Variants in NOP14 observed in about 807,000 individuals in gnomAD.
The protein encoded by NOP14 is nucleolar protein 14.
NOP14 carries 57 observed loss-of-function variants against 101.6 expected under a neutral mutation model. That is an observed-to-expected ratio of 0.56 (90% CI 0.45 to 0.70). NOP14 has a LOEUF of 0.70. Ranked by LOEUF, NOP14 falls within the 30% of genes least tolerant of loss-of-function variation. The pLI is 0.00. For missense variants in NOP14, 1,134 were observed against 1,075.5 expected, an observed-to-expected ratio of 1.05 and a Z score of -0.76; for synonymous variants, 428 against 424.0, an observed-to-expected ratio of 1.01 and a Z score of -0.12.
At chr4:2,961,177 T>G (rs1419440159) in intron 1 of NOP14, among the ~76,000 whole-genome samples, 1 of 19,294 alleles carries the variant, frequency 5.2e-5, no homozygotes, top group Non-Finnish European at 9.5e-5. Flanking sequence ...GCTATTACAA[T>G]AATATATTAA....
chr4:2,949,255 G>C (rs189289938), intron 8 of NOP14, among the ~76,000 whole-genome samples: 1 of 152,198 alleles, frequency 6.6e-6, no homozygotes, highest in Non-Finnish European at 1.5e-5. Context: ...CCAGGCTAGA[G>C]TGCAGTGGTG....
At chr4:2,960,703 A>G (rs1234287129) in intron 1 of NOP14, among the ~76,000 whole-genome samples, 1 of 135,888 alleles carries the variant, frequency 7.4e-6, no homozygotes, top group Non-Finnish European at 1.5e-5. Flanking sequence ...TCACATTAAT[A>G]TTAATATATT....
rs1312050014 is a variant in NOP14 at position 2,944,212 on chromosome 4, G to A, written c.1752C>T (p.Ser584=). 6.2e-7 allele frequency: 1 copy of A among 1,613,062 alleles called. No homozygotes were observed. The highest frequency in any genetic ancestry group is 1.3e-5 in the African/African-American group (1 of 74,874). The stretch of plus-strand genomic sequence containing the variant: ...ACAGGCCCTTCACCACGTCCTGGAG[G>A]GACAGGATGGGGCACTGGAAAGGAA... ...SQLLTKCPIL[S]LQDVVKGLFV... is the part of the protein sequence containing the mutation. Residue 584 remains serine (S), a synonymous_variant, in exon 13 of 18, where the codon TCC becomes TCT. Coordinates refer to ENST00000416614, the MANE Select transcript of NOP14 (RefSeq NM_001291978.2).
At chr4:2,941,408 T>C in intron 15 of NOP14, 174 bp downstream of exon 15, 2 of 634,870 alleles carry the variant, frequency 3.2e-6, no homozygotes, top group Non-Finnish European at 5.5e-6. Flanking sequence ...AGCCCAGCAC[T>C]GCTCACCGTC....
Position 2,963,224 on chromosome 4 carries a change from G to T in NOP14, c.96C>A (p.Phe32Leu). 6.3e-7 allele frequency: 1 copy of T among 1,588,602 alleles called. No individual in the cohort carries two copies. Among genetic ancestry groups the T allele is most frequent in the Non-Finnish European group, 8.5e-7 (1 of 1,170,158 alleles). The change falls in exon 1 of 18, where the codon TTC (phenylalanine) becomes TTA (leucine). Residue 32 changes from phenylalanine to leucine, a missense_variant. Phe to Leu is a conservative substitution (Grantham distance 22, BLOSUM62 0). Coordinates refer to ENST00000416614, the MANE Select transcript of NOP14 (RefSeq NM_001291978.2). ...ACTTCTGCCTGTTAACTTTCACCTCGAACGGATTGGAGTTGGCCTTCGCCG... is the reference window on the plus strand; with the variant it reads ...ACTTCTGCCTGTTAACTTTCACCTCTAACGGATTGGAGTTGGCCTTCGCCG... ...GGPAKANSNP[F>L]EVKVNRQKFQ... is the part of the protein sequence containing the mutation.
At chr4:2,959,169 G>C (rs1035008414) in intron 1 of NOP14, among the ~76,000 whole-genome samples, 1 of 152,292 alleles carries the variant, frequency 6.6e-6, no homozygotes, top group Non-Finnish European at 1.5e-5. Flanking sequence ...ATACTGCCAA[G>C]GCAATTTTCG....
At position 2,938,782 on chromosome 4, in the gene NOP14, G is replaced by A. The variant is rs1442948497; in HGVS notation, c.*49C>T. 13 of 1,476,530 alleles carry A rather than the reference G, an allele frequency of 8.8e-6. No homozygotes were observed. In the East Asian group the frequency reaches 2.3e-4, roughly 26 times the overall value. 91.5% of individuals were successfully genotyped at this position (1,476,530 alleles called of 1,614,324 possible). A position where few individuals can be genotyped will look rare whatever the true frequency, so the allele number is the denominator to read the frequency against. The stretch of plus-strand genomic sequence containing the variant: ...CTTGGCCTCCCAGAGGGTTGGAATT[G>A]CAGATGTGAGGTAATGTCCAGTTCC... On this transcript the variant is annotated 3_prime_UTR_variant, in exon 18 of 18. Transcript: ENST00000416614.
chr4:2,956,643 G>A (rs750438134), intron 3 of NOP14, 27 bp downstream of exon 3: 3 of 1,595,480 alleles, frequency 1.9e-6, no homozygotes, highest in Non-Finnish European at 2.6e-6. Context: ...CACGCCCACA[G>A]GCCCGTGCAC....
At chr4:2,952,236 C>T in intron 6 of NOP14, 39 bp downstream of exon 6, 8 of 1,605,878 alleles carry the variant, frequency 5.0e-6, no homozygotes, top group Non-Finnish European at 6.8e-6. Context: ...TGTGGACGGA[C>T]AGCAGCACAG....
At position 2,938,867 on chromosome 4, in the gene NOP14, T is replaced by C. The variant is rs1560291525; in HGVS notation, c.2538A>G (p.Glu846=). Residue 846 remains glutamate (E), a synonymous_variant, in exon 18 of 18, where the codon GAA becomes GAG. Transcript: ENST00000416614. ...LFNSLATQEG[E]WKALKRKKFK... ...ACTTTTTCCTCTTCAGAGCCTTCCA[T>C]TCGCCTTCCTGTGTAGCCAGGCTGT... The C allele has an allele frequency of 6.2e-6, 10 of 1,614,154 alleles. No homozygotes were observed. Among genetic ancestry groups the C allele is most frequent in the Non-Finnish European group, 7.6e-6 (9 of 1,179,992 alleles).
Position 2,944,979 on chromosome 4 carries a change from T to G in NOP14, c.1737+149A>C, listed in dbSNP as rs1359156051. 8 of 584,058 alleles carry G rather than the reference T, an allele frequency of 1.4e-5. No homozygotes were observed. The East Asian group carries it at 2.4e-4, about 17-fold the overall frequency. The allele number at this position is 584,058 out of a possible 1,614,324, so 36.2% of individuals were successfully genotyped here. A position where few individuals can be genotyped will look rare whatever the true frequency, so the allele number is the denominator to read the frequency against. On this transcript the variant is annotated intron_variant, in intron 12 of 17. Coordinates refer to ENST00000416614, the MANE Select transcript of NOP14 (RefSeq NM_001291978.2). The stretch of plus-strand genomic sequence containing the variant: ...GGGGCTGCTCGAGCCGGGGCTCTTT[T>G]AGATGGGCCCTCTTTGGCCTAACCG...
rs904201892 is a variant in NOP14, at chr4:2,944,217, G to T, written c.1747C>A (p.Leu583Met). 1.9e-6 allele frequency: 3 copies of T among 1,612,204 alleles called. No individual in the cohort carries two copies. The Admixed American group carries it at 5.0e-5, about 27-fold the overall frequency. The change falls in exon 13 of 18, where the codon CTG (leucine) becomes ATG (methionine). Residue 583 changes from leucine (L) to methionine (M), a missense_variant. Physicochemically the swap from Leu to Met is conservative, Grantham distance 15. Transcript: ENST00000416614. The stretch of plus-strand genomic sequence containing the variant: ...CCCTTCACCACGTCCTGGAGGGACA[G>T]GATGGGGCACTGGAAAGGAACATAT... ...LSQLLTKCPI[L>M]SLQDVVKGLF...
chr4:2,945,347 G>A (rs565943208), intron 11 of NOP14, 118 bp from the exon 12 acceptor site: 4 of 751,486 alleles, frequency 5.3e-6, no homozygotes, highest in South Asian at 4.9e-5. Context: ...GCATCTCCTT[G>A]GCCCAGAGCT....
chr4:2,962,298 G>A (rs113896916), intron 1 of NOP14, among the ~76,000 whole-genome samples: 3 of 152,216 alleles, frequency 2.0e-5, no homozygotes, highest in South Asian at 2.1e-4. Flanking sequence ...CCGGGGGTGT[G>A]TAATGAGGGA....
chr4:2,940,103 A>G (rs1714041412), intron 15 of NOP14, among the ~76,000 whole-genome samples: 1 of 152,218 alleles, frequency 6.6e-6, no homozygotes, highest in African/African-American at 2.4e-5. Flanking sequence ...CCAGTGTGCA[A>G]ACTGACGCTG....
chr4:2,957,806 A>C (rs978142094), intron 1 of NOP14, 66 bp from the exon 2 acceptor site: 1 of 1,547,972 alleles, frequency 6.5e-7, no homozygotes, highest in Non-Finnish European at 8.8e-7. Flanking sequence ...GGGACATCAG[A>C]ACAGTGCATA....
chr4:2,960,812 TATA>T lies in NOP14; in HGVS notation c.195+2310_195+2312del, dbSNP rs1440975934. On this transcript the variant is annotated intron_variant, in intron 1 of 17. Transcript: ENST00000416614. ...CACATTAATATTAATATATTAATATTATAATCACATTATCAATATATTAATATT... is the reference window on the plus strand; with the variant it reads ...CACATTAATATTAATATATTAATATTATCACATTATCAATATATTAATATT... Among the ~76,000 whole-genome samples, 44 of 103,522 alleles carry T rather than the reference TATA, an allele frequency of 4.3e-4. 5 individuals are homozygous for T. The highest frequency in any genetic ancestry group is 7.3e-4 in the Non-Finnish European group (38 of 51,790). 67.9% of individuals were successfully genotyped at this position (103,522 alleles called of 152,430 possible).
intron 15 of NOP14, 55 bp from the exon 16 acceptor site, chr4:2,939,700 G>C: frequency 7.5e-7 from 1 of 1,324,622 alleles, no homozygotes; most frequent in Non-Finnish European, 1.1e-6. Context: ...CGTGCCCTGA[G>C]CTCCACGCAC....
At chr4:2,954,609 C>T (rs748131554) in intron 3 of NOP14, 46 bp from the exon 4 acceptor site, 19 of 1,599,600 alleles carry the variant, frequency 1.2e-5, no homozygotes, top group Admixed American at 1.7e-5. Flanking sequence ...CCAGCCCTGG[C>T]GTGGGAAGTG....
Sources: gnomAD v4.1 joint callset for allele counts (sites outside exome capture counted in the v4.1 genomes callset) on GRCh38, gnomAD v4.1.1 for gene constraint, MANE v1.5 for transcripts, NCBI Gene and HGNC (gene_info 2026-07-23, HGNC 2026-07-21) for gene names.